FAT4: variants seen among roughly 807,000 people sequenced by gnomAD.
FAT4 encodes protocadherin Fat 4.
In FAT4, 84 loss-of-function variants were observed where a neutral mutation model predicts 303.9. The ratio of observed to expected loss-of-function variants is 0.28; its 90% CI spans 0.23 to 0.33. FAT4 has a LOEUF of 0.33. FAT4 is among the 10% of genes least tolerant of loss of function. The probability of loss-of-function intolerance (pLI) is 1.00; values close to 1 mark genes in which losing one functional copy is unlikely to be tolerated. For synonymous variants in FAT4, 2,307 were observed against 2,298.8 expected (o/e 1.00, Z -0.10); for missense variants, 6,005 against 6,146.8 (o/e 0.98, Z 0.77).
intron 7 of FAT4, among the ~76,000 whole-genome samples, chr4:125,429,884 G>A (rs1318573374): frequency 6.6e-6 from 1 of 152,126 alleles, no homozygotes; most frequent in Non-Finnish European, 1.5e-5. Context: ...GGAAGATAAA[G>A]TAATAGTAAA....
chr4:125,377,490 G>T (rs961583302), intron 2 of FAT4, among the ~76,000 whole-genome samples: 1 of 151,880 alleles, frequency 6.6e-6, no homozygotes, highest in Non-Finnish European at 1.5e-5. Context: ...AGTCAGTTTT[G>T]GTTTTGCTAA....
In FAT4 at chr4:125,449,919, C is replaced by T; in HGVS notation, c.8909C>T (p.Thr2970Ile). 6.2e-7 allele frequency: 1 copy of T among 1,613,862 alleles called. No individual in the cohort carries two copies. Among genetic ancestry groups the T allele is most frequent in the Non-Finnish European group, 8.5e-7 (1 of 1,179,910 alleles). ...AAACCTTCCTTAATTAGTGAGACAA[C>T]AGTTACCATCAATATAGTGGACAGT... ...RGKPSLISET[T>I]VTINIVDSND... is the part of the protein sequence containing the mutation. The change falls in exon 10 of 18, where the codon ACA becomes ATA. Residue 2970 changes from threonine (T) to isoleucine (I), a missense_variant. Physicochemically the swap from Thr to Ile is moderately conservative, Grantham distance 89 (BLOSUM62 -1). Transcript: ENST00000394329.
chr4:125,424,463 G>C (rs1725020409), intron 7 of FAT4, among the ~76,000 whole-genome samples: 2 of 152,130 alleles, frequency 1.3e-5, no homozygotes, highest in Non-Finnish European at 1.5e-5. Flanking sequence ...CCCCAGCTCT[G>C]GGTTAATTGT....
At position 125,416,012 on chromosome 4, in the gene FAT4, T is replaced by A. The variant is rs143394983; in HGVS notation, c.6843+206T>A. 2.4e-3 allele frequency among the ~76,000 whole-genome samples: 362 copies of A among 152,292 alleles called. 4 individuals carry two copies. The highest frequency in any genetic ancestry group is 8.0e-3 in the Admixed American group (123 of 15,280). On this transcript the variant is annotated intron_variant, in intron 6 of 17. Transcript: ENST00000394329. The stretch of plus-strand genomic sequence containing the variant: ...TCTTAATTTCCTCATTGATGAAACT[T>A]TTGTATTTTACTAGCTTTCTTTTGT...
chr4:125,433,190 G>T (rs1725340176), intron 7 of FAT4, among the ~76,000 whole-genome samples: 1 of 152,044 alleles, frequency 6.6e-6, no homozygotes, highest in African/African-American at 2.4e-5. Context: ...TGATAATGAG[G>T]GCACTCCATA....
intron 10 of FAT4, among the ~76,000 whole-genome samples, chr4:125,461,824 A>C (rs1397890137): frequency 6.6e-6 from 1 of 151,902 alleles, no homozygotes; most frequent in Non-Finnish European, 1.5e-5. Context: ...AAAAAAATCT[A>C]CATCACTAAA....
In FAT4 at chr4:125,415,568, T is replaced by G; in HGVS notation, c.6605T>G (p.Phe2202Cys). ...GTTAATGGTAATACCAATCAGGAAT[T>G]TCGGATAGACTCTGTCACAGGTGCC... ...GIVNGNTNQE[F>C]RIDSVTGAIT... The change falls in exon 6 of 18, where the codon TTT (phenylalanine) becomes TGT (cysteine). Residue 2202 changes from phenylalanine to cysteine, a missense_variant. Physicochemically the swap from Phe to Cys is radical, Grantham distance 205. Transcript: ENST00000394329. 6.2e-7 allele frequency: 1 copy of G among 1,614,004 alleles called. No individual in the cohort carries two copies. Among genetic ancestry groups the G allele is most frequent in the South Asian group, 1.1e-5 (1 of 91,074 alleles).
At chr4:125,444,437 T>G (rs76056369) in intron 8 of FAT4, among the ~76,000 whole-genome samples, 9,191 of 152,208 alleles carry the variant, frequency 0.06, 429 homozygotes, top group East Asian at 0.19. Context: ...AATCCACTCA[T>G]AATGATGGAA....
chr4:125,370,315 C>A (rs1050012534), intron 2 of FAT4, among the ~76,000 whole-genome samples: 2 of 152,122 alleles, frequency 1.3e-5, no homozygotes, highest in East Asian at 3.9e-4. Context: ...AGGAACCCTA[C>A]AAAGTAGAGA....
At position 125,317,218 on chromosome 4, in the gene FAT4, C is replaced by T. The variant is rs776741382; in HGVS notation, c.807C>T (p.Val269=). 1.5e-5 allele frequency: 24 copies of T among 1,585,554 alleles called. No homozygotes were observed. ...VPEDAVVGSS[V]LQVAAADADE... ...AGGACGCGGTTGTGGGTTCCAGCGT[C>T]CTCCAGGTGGCGGCGGCGGACGCGG... Residue 269 remains valine, a synonymous_variant, in exon 2 of 18, where the codon GTC becomes GTT. Coordinates refer to ENST00000394329, the MANE Select transcript of FAT4 (RefSeq NM_001291303.3). This position sits in a 1 kb window ranked among gnomAD's most constrained non-coding sequence, Gnocchi z 7.0.
rs770138735 is a variant in FAT4 at position 125,449,872 on chromosome 4, A to G, written c.8862A>G (p.Ile2954Met). 8 of 1,613,990 alleles carry G rather than the reference A, an allele frequency of 5.0e-6. No individual in the cohort carries two copies. The East Asian group carries it at 1.6e-4, about 31-fold the overall frequency. The change falls in exon 10 of 18, where the codon ATA becomes ATG. Residue 2954 changes from isoleucine to methionine, a missense_variant. Transcript: ENST00000394329. ...TGAATATCAACAGGCATAGTTTTATAGTGACATCTTCAGATCGAGGTAAAC... is the reference window on the plus strand; with the variant it reads ...TGAATATCAACAGGCATAGTTTTATGGTGACATCTTCAGATCGAGGTAAAC... ...SNVNINRHSFIVTSSDRGKPS... is the reference protein window; with the variant it reads ...SNVNINRHSFMVTSSDRGKPS...
chr4:125,376,364 G>GA (rs1252641575), intron 2 of FAT4, among the ~76,000 whole-genome samples: 1 of 152,024 alleles, frequency 6.6e-6, no homozygotes, highest in East Asian at 1.9e-4. Context: ...GATGCTATTT[G>GA]AAAAAACTAT....
At chr4:125,465,024 T>C (rs1458290726) in intron 11 of FAT4, among the ~76,000 whole-genome samples, 1 of 152,204 alleles carries the variant, frequency 6.6e-6, no homozygotes. Context: ...TATCTGTTTT[T>C]ATTAAGCACA....
intron 2 of FAT4, among the ~76,000 whole-genome samples, chr4:125,348,221 C>T (rs938269367): frequency 1.3e-5 from 2 of 151,740 alleles, no homozygotes; most frequent in African/African-American, 4.8e-5. Context: ...AGTTTCTATA[C>T]GAAGCATATT....
chr4:125,444,669 G>T (rs1725765849), intron 8 of FAT4, among the ~76,000 whole-genome samples: 3 of 152,006 alleles, frequency 2.0e-5, no homozygotes, highest in African/African-American at 7.3e-5. Flanking sequence ...GAAAATTTAT[G>T]TTTTTTATCA....
chr4:125,440,620 A>T (rs1473202867), intron 8 of FAT4, among the ~76,000 whole-genome samples: 2 of 142,572 alleles, frequency 1.4e-5, no homozygotes, highest in African/African-American at 5.1e-5. Context: ...TGAGAGAGAG[A>T]GAGAGAGAGA....
chr4:125,439,888 C>T (rs1387699623), intron 8 of FAT4, among the ~76,000 whole-genome samples: 1 of 152,100 alleles, frequency 6.6e-6, no homozygotes, highest in African/African-American at 2.4e-5. Context: ...GCCTCAAAGG[C>T]TTAGTTTCTG....
At position 125,415,008 on chromosome 4, in the gene FAT4, C is replaced by G; in HGVS notation, c.6045C>G (p.Asn2015Lys). ...ALDRESQSFY[N>K]LVVQVHDLPQ... ...ATCGGGAAAGTCAGTCCTTCTACAACTTGGTTGTTCAAGTGCATGACCTGC... is the reference window on the plus strand; with the variant it reads ...ATCGGGAAAGTCAGTCCTTCTACAAGTTGGTTGTTCAAGTGCATGACCTGC... The change falls in exon 6 of 18, where the codon AAC (asparagine) becomes AAG (lysine). Residue 2015 changes from asparagine to lysine, a missense_variant. Asn to Lys is a moderately conservative substitution (Grantham distance 94). Coordinates refer to ENST00000394329, the MANE Select transcript of FAT4 (RefSeq NM_001291303.3). 6.2e-7 allele frequency: 1 copy of G among 1,614,028 alleles called. No homozygotes were observed.
chr4:125,489,310 A>G (rs2126095262), intron 17 of FAT4, among the ~76,000 whole-genome samples: 1 of 152,348 alleles, frequency 6.6e-6, no homozygotes, highest in Non-Finnish European at 1.5e-5. Context: ...AATATAGTCT[A>G]AACTTTGCCA....
Sources: gnomAD v4.1 joint callset for allele counts (sites outside exome capture counted in the v4.1 genomes callset) on GRCh38, gnomAD v4.1.1 for gene constraint, Gnocchi (gnomAD v3.1) non-coding constraint, MANE v1.5 for transcripts, NCBI Gene and HGNC (gene_info 2026-07-23, HGNC 2026-07-21) for gene names.